The following NBEAL2 variants were observed in gnomAD, a reference collection of about 807,000 sequenced individuals.
NBEAL2 encodes the protein neurobeachin like 2.
NBEAL2 carries 160 observed loss-of-function variants against 299.8 expected under a neutral mutation model. The ratio of observed to expected loss-of-function variants is 0.53; its 90% CI spans 0.47 to 0.61. The LOEUF is 0.61. NBEAL2 is among the 20% of genes least tolerant of loss of function. The pLI is 0.00. For synonymous variants in NBEAL2, 1,493 were observed against 1,542.3 expected, an observed-to-expected ratio of 0.97 and a Z score of 0.75; for missense variants, 3,112 against 3,649.0, an observed-to-expected ratio of 0.85 and a Z score of 3.79.
rs1025664335 is a variant in NBEAL2, at chr3:47,001,849, G to A, written c.4782+23G>A. 4 of 1,612,234 alleles carry A rather than the reference G, an allele frequency of 2.5e-6. No homozygotes were observed. The highest frequency in any genetic ancestry group is 3.3e-5 in the Admixed American group (2 of 59,988). Reference sequence around the variant, plus strand: ...CAGGTGAGCACAGGGTGAGCATGGGGGCAGGGGGCGTGTGAGATGTCGGGA... The same window carrying A: ...CAGGTGAGCACAGGGTGAGCATGGGAGCAGGGGGCGTGTGAGATGTCGGGA... On this transcript the variant is annotated intron_variant, in intron 30 of 53. Coordinates refer to ENST00000450053, the MANE Select transcript of NBEAL2 (RefSeq NM_015175.3). This position sits in a 1 kb window ranked among gnomAD's most constrained non-coding sequence, Gnocchi z 6.1.
In NBEAL2 at chr3:47,008,572, T is replaced by C. The variant is rs1256613785; in HGVS notation, c.7931T>C (p.Leu2644Pro). Residue 2644 changes from leucine to proline, a missense_variant, in exon 52 of 54, where the codon CTG becomes CCG. By Grantham distance (98) the Leu-to-Pro change is moderately conservative (BLOSUM62 -3). Coordinates refer to ENST00000450053, the MANE Select transcript of NBEAL2 (RefSeq NM_015175.3). ...YSVNGKLRAS[L>P]PLAEQPTALT... ...GTCAATGGGAAGTTGCGGGCTTCAC[T>C]GCCCCTGGCAGAGCAGCCTACAGCC... 1 of 1,613,684 alleles carries C rather than the reference T, an allele frequency of 6.2e-7. No individual in the cohort carries two copies. Among genetic ancestry groups the C allele is most frequent in the Non-Finnish European group, 8.5e-7 (1 of 1,179,858 alleles).
Position 47,005,626 on chromosome 3 carries a change from G to A in NBEAL2, c.6691+7G>A. On this transcript the variant is annotated splice_region_variant and intron_variant, in intron 41 of 53. Transcript: ENST00000450053. ...TTCCTGGAGAACCAGAACGGTAGGT[G>A]TGAGGTGCTCACACTGGAGCGGGCA... 2 of 1,613,638 alleles carry A rather than the reference G, an allele frequency of 1.2e-6. No homozygotes were observed. The highest frequency in any genetic ancestry group is 1.1e-5 in the South Asian group (1 of 91,052).
At position 46,988,621 on chromosome 3, in the gene NBEAL2, A is replaced by G. The variant is rs1420888678; in HGVS notation, c.52-48A>G. ...ACATCCCCTTGTCCCTGCCCTGTTT[A>G]CTGCATCCCTCCTGCCCCCCACCAC... On this transcript the variant is annotated intron_variant, in intron 1 of 53. Transcript: ENST00000450053. This position sits in a 1 kb window ranked among gnomAD's most constrained non-coding sequence, Gnocchi z 4.4. The G allele has an allele frequency of 6.6e-7, 1 of 1,512,982 alleles. No homozygotes were observed. The highest frequency in any genetic ancestry group is 9.2e-7 in the Non-Finnish European group (1 of 1,090,380). The allele number at this position is 1,512,982 out of a possible 1,614,324, so 93.7% of individuals were successfully genotyped here.
At position 47,007,341 on chromosome 3, in the gene NBEAL2, G is replaced by A. The variant is rs763285243; in HGVS notation, c.7325G>A (p.Gly2442Asp). The change falls in exon 47 of 54, where the codon GGC becomes GAC. Residue 2442 changes from glycine (G) to aspartate (D), a missense_variant. Gly to Asp is a moderately conservative substitution (Grantham distance 94). Transcript: ENST00000450053. ...AGCTTCAGCAAAGACCCCACCATGG[G>A]CAGCCACAAGTAGGACAGAGGGCTG... is the stretch of plus-strand genomic sequence containing the variant. ...YFSFSKDPTM[G>D]SHKTQRLLSG... The A allele has an allele frequency of 6.2e-7, 1 of 1,605,572 alleles. No individual in the cohort carries two copies. Among genetic ancestry groups the A allele is most frequent in the Admixed American group, 1.7e-5 (1 of 58,868 alleles).
intron 1 of NBEAL2, among the ~76,000 whole-genome samples, chr3:46,986,949 G>A (rs1263163190): frequency 6.6e-6 from 1 of 152,116 alleles, no homozygotes; most frequent in Non-Finnish European, 1.5e-5. Flanking sequence ...TTCGGGAGGA[G>A]GCTGCCAGCA....
chr3:47,009,303 C>T lies in NBEAL2; in HGVS notation c.8248C>T (p.Pro2750Ser), dbSNP rs2037719866. The part of the protein sequence containing the change: ...QVSSGETEYN[P>S]TEAR ...GTCCTCGGGAGAGACGGAATACAAC[C>T]CTACTGAGGCGCGCTGAACCTGGCC... Residue 2750 changes from proline (P) to serine (S), a missense_variant, in exon 54 of 54, where the codon CCT becomes TCT. Physicochemically the swap from Pro to Ser is moderately conservative, Grantham distance 74. Around this residue, in one of 3 missense-constraint regions of NBEAL2, gnomAD observed 348 missense variants for 381.4 expected, o/e 0.91. Transcript: ENST00000450053. 8 of 1,598,204 alleles carry T rather than the reference C, an allele frequency of 5.0e-6. No individual in the cohort carries two copies. The highest frequency in any genetic ancestry group is 6.8e-6 in the Non-Finnish European group (8 of 1,173,512).
rs2107379713 is a variant in NBEAL2, at chr3:46,999,636, T to C, written c.3710T>C (p.Leu1237Pro). Residue 1237 changes from leucine (L) to proline (P), a missense_variant, in exon 26 of 54, where the codon CTG becomes CCG. Leu to Pro is a moderately conservative substitution (Grantham distance 98, BLOSUM62 -3). This residue lies in a region of NBEAL2 where 2,243 missense variants were observed against 2,538.1 expected (regional missense o/e 0.88). Transcript: ENST00000450053. Reference protein sequence around the residue: ...LYKLFLGADCLNLSDLLAVVQ... With the variant: ...LYKLFLGADCPNLSDLLAVVQ... ...CCCCAACCCATCCCCCCAGATTGCCTGAACCTCTCAGATCTGCTGGCTGTG... is the reference window on the plus strand; with the variant it reads ...CCCCAACCCATCCCCCCAGATTGCCCGAACCTCTCAGATCTGCTGGCTGTG... 1 of 1,611,614 alleles carries C rather than the reference T, an allele frequency of 6.2e-7. No individual in the cohort carries two copies. Among genetic ancestry groups the C allele is most frequent in the East Asian group, 2.2e-5 (1 of 44,790 alleles).
In NBEAL2 at chr3:46,999,611, C is replaced by G; in HGVS notation, c.3704-19C>G. The G allele has an allele frequency of 6.2e-7, 1 of 1,606,384 alleles. No homozygotes were observed. The highest frequency in any genetic ancestry group is 2.2e-5 in the East Asian group (1 of 44,592). On this transcript the variant is annotated intron_variant, in intron 25 of 53. Coordinates refer to ENST00000450053, the MANE Select transcript of NBEAL2 (RefSeq NM_015175.3). The stretch of plus-strand genomic sequence containing the variant: ...CTAGTCTGGTCAGTCCCTCAGGTCC[C>G]CCCAACCCATCCCCCCAGATTGCCT...
chr3:47,000,830 C>T lies in NBEAL2; in HGVS notation c.4306-171C>T. 2.0e-6 allele frequency: 2 copies of T among 982,414 alleles called. No homozygotes were observed. The highest frequency in any genetic ancestry group is 1.6e-5 in the South Asian group (1 of 61,072). 60.9% of individuals were successfully genotyped at this position (982,414 alleles called of 1,614,324 possible). ...CTGGAACTCAGGTAGTAGTTGAGAC[C>T]CCTATACCATTCTTCCAGGCCCTTA... On this transcript the variant is annotated intron_variant, in intron 27 of 53. Coordinates refer to ENST00000450053, the MANE Select transcript of NBEAL2 (RefSeq NM_015175.3). This position sits in a 1 kb window ranked among gnomAD's most constrained non-coding sequence, Gnocchi z 4.5.
rs764308482 is a variant in NBEAL2 at position 47,001,366 on chromosome 3, T to G, written c.4572T>G (p.Leu1524=). Residue 1524 remains leucine (L), a synonymous_variant, in exon 29 of 54, where the codon CTT becomes CTG. Transcript: ENST00000450053. The surrounding 1 kb of genome is among the most constrained non-coding windows in gnomAD (Gnocchi z 6.1). ...TGGCCAGCCTCACCCAGCAAGCGCT[T>G]TGGCTGCTGCGTCTGCTGCAGGACT... ...GVLASLTQQA[L]WLLRLLQDFL... 1.2e-6 allele frequency: 2 copies of G among 1,613,104 alleles called. No homozygotes were observed. Among genetic ancestry groups the G allele is most frequent in the South Asian group, 2.2e-5 (2 of 91,078 alleles).
intron 11 of NBEAL2, 107 bp from the exon 12 acceptor site, chr3:46,994,348 C>T (rs149888595): frequency 6.5e-5 from 68 of 1,043,318 alleles, no homozygotes; most frequent in African/African-American, 5.4e-4. Flanking sequence ...GGCAGAGCTA[C>T]GCAAGGGAAC....
chr3:47,000,445 G>A lies in NBEAL2; in HGVS notation c.4305+41G>A. 6.5e-7 allele frequency: 1 copy of A among 1,540,740 alleles called. No homozygotes were observed. Among genetic ancestry groups the A allele is most frequent in the Non-Finnish European group, 8.8e-7 (1 of 1,142,708 alleles). On this transcript the variant is annotated intron_variant, in intron 27 of 53. Transcript: ENST00000450053. The surrounding 1 kb of genome is among the most constrained non-coding windows in gnomAD (Gnocchi z 4.5). ...CCTCTGCCACTGCATGGTACCCAAG[G>A]GAGGACACTTCTGGTACACAGGGCT... is the stretch of plus-strand genomic sequence containing the variant.
chr3:46,995,605 C>T lies in NBEAL2; in HGVS notation c.1870C>T (p.Arg624Ter), dbSNP rs1233767712. The change falls in exon 13 of 54, where the codon CGA (arginine) becomes TGA (stop). Residue 624 changes from arginine to a stop codon, truncating the protein, a stop_gained. Coordinates refer to ENST00000450053, the MANE Select transcript of NBEAL2 (RefSeq NM_015175.3). LOFTEE classifies it high-confidence loss of function. The stretch of plus-strand genomic sequence containing the variant: ...TACAGCACCTACCCCTGCCCCCACC[C>T]GACCACTCCAGCGAAAGCAGCTGTA... ...MDTAPTPAPT[R>*]PLQRKQLYSF... 3.7e-6 allele frequency: 6 copies of T among 1,611,888 alleles called. No individual in the cohort carries two copies. Among genetic ancestry groups the T allele is most frequent in the Admixed American group, 3.3e-5 (2 of 59,998 alleles).
In NBEAL2 at chr3:47,008,076, C is replaced by T. The variant is rs780246592; in HGVS notation, c.7609C>T (p.Leu2537=). 8.7e-6 allele frequency: 14 copies of T among 1,613,918 alleles called. No homozygotes were observed. The highest frequency in any genetic ancestry group is 3.3e-5 in the Admixed American group (2 of 60,028). ...MVWRLLHQGG[L]SVGLAPKPVQ... is the part of the protein sequence containing the mutation. ...CAACCCTGGTCCTCCACAGGGTGGT[C>T]TGTCAGTAGGCCTGGCACCAAAGCC... Residue 2537 remains leucine (L), a synonymous_variant, in exon 50 of 54, where the codon CTG becomes TTG. Transcript: ENST00000450053.
chr3:46,985,113 A>C (rs2035597122), intron 1 of NBEAL2, among the ~76,000 whole-genome samples: 1 of 152,230 alleles, frequency 6.6e-6, no homozygotes, highest in Non-Finnish European at 1.5e-5. Flanking sequence ...GCATTCCAGC[A>C]GAGCAAACAA....
At chr3:46,996,683 C>A in intron 16 of NBEAL2, 68 bp from the exon 17 acceptor site, 1 of 1,563,614 alleles carries the variant, frequency 6.4e-7, no homozygotes. Context: ...CTCCTGTGGT[C>A]AGGCAGTCTC....
intron 10 of NBEAL2, among the ~76,000 whole-genome samples, chr3:46,992,801 G>A (rs986958353): frequency 6.6e-6 from 1 of 152,176 alleles, no homozygotes; most frequent in Admixed American, 6.5e-5. Context: ...CAAGCTGGAT[G>A]GAACCTTCGA....
chr3:46,995,058 CCCA>C lies in NBEAL2; in HGVS notation c.1326_1328del (p.Pro445del). The C allele has an allele frequency of 6.4e-7, 1 of 1,552,798 alleles. No homozygotes were observed. Among genetic ancestry groups the C allele is most frequent in the Non-Finnish European group, 8.7e-7 (1 of 1,144,394 alleles). ...CTGTGGAGGGTGACCACAGCATGTG[CCCA>C]CCTCCACCAATCCGCAACGAGCAGC... On this transcript the variant is annotated inframe_deletion, in exon 13 of 54. Transcript: ENST00000450053.
At position 47,001,903 on chromosome 3, in the gene NBEAL2, C is replaced by G; in HGVS notation, c.4783-17C>G. ...CCAAGAGTGGCTGGGTGCCACTCAT[C>G]TCTCTTGCGCCCACAGCTGCATGCC... On this transcript the variant is annotated splice_polypyrimidine_tract_variant and intron_variant, in intron 30 of 53. Transcript: ENST00000450053. This position sits in a 1 kb window ranked among gnomAD's most constrained non-coding sequence, Gnocchi z 6.1. The G allele has an allele frequency of 1.2e-6, 2 of 1,605,144 alleles. No homozygotes were observed. The highest frequency in any genetic ancestry group is 1.1e-5 in the South Asian group (1 of 90,920).
Sources: allele counts gnomAD v4.1 joint callset (sites outside exome capture counted in the v4.1 genomes callset), GRCh38; gene constraint gnomAD v4.1.1; regional missense constraint gnomAD v4.1.1; non-coding constraint Gnocchi (gnomAD v3.1); transcripts MANE v1.5; gene names NCBI Gene and HGNC (gene_info 2026-07-23, HGNC 2026-07-21).